The following AHI1 variants were observed in gnomAD, a reference collection of about 807,000 sequenced individuals.
AHI1 encodes jouberin.
Under a neutral mutation model 149.3 loss-of-function variants are expected in AHI1, and 123 were observed. The ratio of observed to expected loss-of-function variants is 0.82; its 90% CI spans 0.71 to 0.96. The LOEUF is 0.96. AHI1 is among the 40% of genes least tolerant of loss of function. AHI1 has a pLI of 0.00. For synonymous variants in AHI1, 475 were observed against 459.8 expected (o/e 1.03, Z -0.42); for missense variants, 1,439 against 1,422.7 (o/e 1.01, Z -0.18).
intron 19 of AHI1, among the ~76,000 whole-genome samples, chr6:135,428,396 T>C (rs1784199492): frequency 6.6e-6 from 1 of 151,718 alleles, no homozygotes; most frequent in African/African-American, 2.4e-5. Context: ...AAACCTTGAA[T>C]TATAATGTGA....
chr6:135,388,533 C>T (rs1777947052), intron 23 of AHI1, among the ~76,000 whole-genome samples: 1 of 152,144 alleles, frequency 6.6e-6, no homozygotes, highest in African/African-American at 2.4e-5. Flanking sequence ...AATTATGATC[C>T]AGGATTCATT....
chr6:135,438,280 G>A (rs899976210), intron 15 of AHI1, 95 bp downstream of exon 15: 20 of 1,173,158 alleles, frequency 1.7e-5, no homozygotes, highest in Admixed American at 9.7e-5. Flanking sequence ...GGGAAAATAC[G>A]ACTGGAGCAT....
chr6:135,437,004 G>GT (rs1785508198), intron 15 of AHI1, among the ~76,000 whole-genome samples: 1 of 152,156 alleles, frequency 6.6e-6, no homozygotes. Context: ...GAGATGAAAA[G>GT]TACAGGTCAA....
At chr6:135,491,186 G>T (rs1795201074) in intron 4 of AHI1, among the ~76,000 whole-genome samples, 1 of 152,178 alleles carries the variant, frequency 6.6e-6, no homozygotes, top group Middle Eastern at 3.4e-3. Context: ...AATATTAACA[G>T]GTTTTTCCTT....
At chr6:135,472,039 A>AAAAAAAAAAG in intron 5 of AHI1, among the ~76,000 whole-genome samples, 1 of 149,562 alleles carries the variant, frequency 6.7e-6, no homozygotes, top group Non-Finnish European at 1.5e-5. Context: ...AAAAAAAAAA[A>AAAAAAAAAAG]AAAAAAAAAA....
intron 24 of AHI1, among the ~76,000 whole-genome samples, chr6:135,341,535 T>C (rs995845371): frequency 1.3e-5 from 2 of 152,038 alleles, no homozygotes; most frequent in African/African-American, 4.8e-5. Flanking sequence ...ATACATATTC[T>C]TGTCCACAGA....
At chr6:135,368,766 T>C (rs1774586642) in intron 23 of AHI1, among the ~76,000 whole-genome samples, 1 of 151,968 alleles carries the variant, frequency 6.6e-6, no homozygotes, top group Admixed American at 6.6e-5. Flanking sequence ...TAGCAAAGAG[T>C]TTATTTCCAG....
At chr6:135,459,521 A>G (rs1789521985) in intron 8 of AHI1, among the ~76,000 whole-genome samples, 1 of 152,258 alleles carries the variant, frequency 6.6e-6, no homozygotes, top group East Asian at 1.9e-4. Flanking sequence ...CTAAAATAGT[A>G]CATAAATGTA....
At chr6:135,485,227 T>C (rs1794308238) in intron 5 of AHI1, among the ~76,000 whole-genome samples, 1 of 151,884 alleles carries the variant, frequency 6.6e-6, no homozygotes, top group Admixed American at 6.6e-5. Context: ...GTACACAACA[T>C]CATGCCTGGC....
chr6:135,448,614 AT>A, intron 11 of AHI1, 139 bp from the exon 12 acceptor site: 1 of 661,668 alleles, frequency 1.5e-6, no homozygotes, highest in Non-Finnish European at 2.3e-6. Flanking sequence ...AGCAAAGAAC[AT>A]TAAATAGTTA....
chr6:135,454,274 AATCT>A lies in AHI1; in HGVS notation c.1345-842_1345-839del, dbSNP rs1788579512. 2.0e-5 allele frequency among the ~76,000 whole-genome samples: 3 copies of A among 152,270 alleles called. No individual in the cohort carries two copies. The South Asian group carries it at 6.2e-4, about 32-fold the overall frequency. On this transcript the variant is annotated intron_variant, in intron 10 of 28. Coordinates refer to ENST00000265602, the MANE Select transcript of AHI1 (RefSeq NM_001134831.2). ...TCCTAAACATATGTGTGGAACTACAAATCTAATAATGCTATTTCACAAATTATTT... is the reference window on the plus strand; with the variant it reads ...TCCTAAACATATGTGTGGAACTACAAAATAATGCTATTTCACAAATTATTT...
At chr6:135,394,735 T>C (rs1214602134) in intron 23 of AHI1, 41 bp downstream of exon 23, 1 of 1,604,976 alleles carries the variant, frequency 6.2e-7, no homozygotes, top group South Asian at 1.1e-5. Context: ...AACAAGCATC[T>C]GAACATTTAA....
chr6:135,467,579 A>G lies in AHI1; in HGVS notation c.189+2T>C. On this transcript the variant is annotated splice_donor_variant, in intron 6 of 28. Transcript: ENST00000265602. LOFTEE classifies it high-confidence loss of function. ...CAGGCTGTTAGTGTTAGCAGTACTT[A>G]CATCATCACTTGTAGTTTCTTTCAT... 1 of 1,606,318 alleles carries G rather than the reference A, an allele frequency of 6.2e-7. No individual in the cohort carries two copies. The highest frequency in any genetic ancestry group is 1.3e-5 in the African/African-American group (1 of 74,862).
intron 22 of AHI1, among the ~76,000 whole-genome samples, chr6:135,399,085 G>A (rs1304273391): frequency 1.3e-5 from 2 of 152,182 alleles, no homozygotes; most frequent in Non-Finnish European, 2.9e-5. Context: ...CCAGGAGGCT[G>A]AGGCAGGAGA....
At position 135,448,349 on chromosome 6, in the gene AHI1, T is replaced by G. The variant is rs1787559410; in HGVS notation, c.1567A>C (p.Arg523=). 6.2e-7 allele frequency: 1 copy of G among 1,611,326 alleles called. No individual in the cohort carries two copies. Among genetic ancestry groups the G allele is most frequent in the African/African-American group, 1.3e-5 (1 of 74,920 alleles). The change falls in exon 12 of 29, where the codon AGA becomes CGA. Residue 523 remains arginine (R), a synonymous_variant. Transcript: ENST00000265602. ...TACAGTGTTGATGGGTAATGATTTC[T>G]TGGACATTTTGACCACCATTCAAAT... ...EAFEWWSKCP[R]NHYPSTLYVT...
intron 25 of AHI1, among the ~76,000 whole-genome samples, chr6:135,319,643 G>A (rs188017777): frequency 6.6e-6 from 1 of 152,274 alleles, no homozygotes; most frequent in Admixed American, 6.5e-5. Context: ...AAAGAGCTAT[G>A]TGCAAATTTT....
intron 20 of AHI1, among the ~76,000 whole-genome samples, chr6:135,413,414 T>C (rs1583107735): frequency 6.6e-6 from 1 of 151,086 alleles, no homozygotes; most frequent in East Asian, 1.9e-4. Flanking sequence ...CTGACCAAAA[T>C]GGAGTAGGGA....
intron 23 of AHI1, 78 bp from the exon 24 acceptor site, chr6:135,358,265 T>A: frequency 8.0e-7 from 1 of 1,256,138 alleles, no homozygotes; most frequent in Non-Finnish European, 1.2e-6. Flanking sequence ...GCCATTTTAT[T>A]GGAAAAACAT....
Position 135,466,151 on chromosome 6 carries a change from T to C in AHI1, c.412A>G (p.Thr138Ala), listed in dbSNP as rs766703420. The change falls in exon 7 of 29, where the codon ACA becomes GCA. Residue 138 changes from threonine (T) to alanine (A), a missense_variant. Physicochemically the swap from Thr to Ala is moderately conservative, Grantham distance 58. Coordinates refer to ENST00000265602, the MANE Select transcript of AHI1 (RefSeq NM_001134831.2). ...KVIKTVPQLT[T>A]QDLKPETPEN... is the part of the protein sequence containing the mutation. ...GGAGTTTCCGGTTTCAGGTCTTGTG[T>C]AGTCAACTGGGGCACCGTCTTTATC... 8.1e-6 allele frequency: 13 copies of C among 1,613,858 alleles called. No homozygotes were observed. Among genetic ancestry groups the C allele is most frequent in the Non-Finnish European group, 1.1e-5 (13 of 1,179,886 alleles).
Sources: gnomAD v4.1 joint callset for allele counts (sites outside exome capture counted in the v4.1 genomes callset) on GRCh38, gnomAD v4.1.1 for gene constraint, MANE v1.5 for transcripts, NCBI Gene and HGNC (gene_info 2026-07-23, HGNC 2026-07-21) for gene names.